Variants in SRSF4 observed in about 807,000 individuals in gnomAD.
The protein encoded by SRSF4 is serine and arginine rich splicing factor 4, also known as serine/arginine-rich splicing factor 4.
Under a neutral mutation model 48.8 loss-of-function variants are expected in SRSF4, and 12 were observed. That is an observed-to-expected ratio of 0.25 (90% CI 0.16 to 0.40). The LOEUF (loss-of-function observed/expected upper bound fraction) is 0.40, where lower values mean the gene tolerates loss of function less well. SRSF4 is among the 10% of genes least tolerant of loss of function. SRSF4 has a pLI of 1.00. For synonymous variants in SRSF4, 248 were observed against 232.5 expected (o/e 1.07, Z -0.61); for missense variants, 466 against 667.1 (o/e 0.70, Z 3.32).
intron 1 of SRSF4, among the ~76,000 whole-genome samples, chr1:29,161,552 AG>A (rs1672595212): frequency 6.6e-6 from 1 of 152,220 alleles, no homozygotes; most frequent in African/African-American, 2.4e-5. Flanking sequence ...GACTTGTCAG[AG>A]GGTCACTCAG....
chr1:29,159,272 A>C, intron 3 of SRSF4, 102 bp downstream of exon 3: 1 of 710,380 alleles, frequency 1.4e-6, no homozygotes, highest in Non-Finnish European at 2.4e-6. Flanking sequence ...TTTCAAACAT[A>C]TAACACTGTA....
At chr1:29,171,743 T>C (rs1041051574) in intron 1 of SRSF4, 3 of 152,094 alleles carry the variant, frequency 2.0e-5, no homozygotes, top group African/African-American at 7.2e-5. Context: ...AAAAAAATAC[T>C]AGAAACCCAA....
intron 1 of SRSF4, chr1:29,170,109 C>T (rs750803542): frequency 6.6e-6 from 1 of 152,158 alleles, no homozygotes; most frequent in Non-Finnish European, 1.5e-5. Flanking sequence ...AGGGCAGATA[C>T]AATCATCTGT....
In SRSF4 at chr1:29,148,609, C is replaced by T; in HGVS notation, c.1286G>A (p.Gly429Glu). Reference protein sequence around the residue: ...KSESSQREGRGESENAGTNQE... With the variant: ...KSESSQREGREESENAGTNQE... Reference sequence around the variant, plus strand: ...ATTGGTGCCAGCATTCTCACTCTCTCCTCGACCTTCCCTCTGGCTGGATTC... The same window carrying T: ...ATTGGTGCCAGCATTCTCACTCTCTTCTCGACCTTCCCTCTGGCTGGATTC... Residue 429 changes from glycine to glutamate, a missense_variant, in exon 6 of 6, where the codon GGA (glycine) becomes GAA (glutamate). Around this residue, in one of 2 missense-constraint regions of SRSF4, gnomAD observed 402 missense variants for 437.0 expected, o/e 0.92. Coordinates refer to ENST00000373795, the MANE Select transcript of SRSF4 (RefSeq NM_005626.5). 6.2e-7 allele frequency: 1 copy of T among 1,614,098 alleles called. No individual in the cohort carries two copies.
In SRSF4 at chr1:29,181,762, GGCAGTGATGGCTGGCCCCGGCCCCA is replaced by G. The variant is rs1558395899; in HGVS notation, c.-35_-11del. The G allele has an allele frequency of 6.4e-7, 1 of 1,568,736 alleles. No homozygotes were observed. The highest frequency in any genetic ancestry group is 1.8e-5 in the Admixed American group (1 of 55,214). ...TGTACACCCGCGGCATCCCGGCAAC[GGCAGTGATGGCTGGCCCCGGCCCCA>G]GCCCCCCTTAGGCGGCGGCGGGCAA... On this transcript the variant is annotated 5_prime_UTR_variant, in exon 1 of 6. Transcript: ENST00000373795.
At chr1:29,174,694 T>G (rs1004445977) in intron 1 of SRSF4, among the ~76,000 whole-genome samples, 1 of 149,844 alleles carries the variant, frequency 6.7e-6, no homozygotes, top group African/African-American at 2.4e-5. Context: ...TTTTTTTTTT[T>G]GATGGAGTCT....
At chr1:29,156,390 A>G (rs955863573) in intron 3 of SRSF4, among the ~76,000 whole-genome samples, 7 of 151,886 alleles carry the variant, frequency 4.6e-5, no homozygotes, top group African/African-American at 1.7e-4. Context: ...AACTACTAAT[A>G]TCCCCTAATT....
Position 29,148,195 on chromosome 1 carries a change from G to C in SRSF4, c.*215C>G. 1 of 727,742 alleles carries C rather than the reference G, an allele frequency of 1.4e-6. No homozygotes were observed. The highest frequency in any genetic ancestry group is 2.4e-6 in the Non-Finnish European group (1 of 414,710). 45.1% of individuals were successfully genotyped at this position (727,742 alleles called of 1,614,324 possible). A position where few individuals can be genotyped will look rare whatever the true frequency, so the allele number is the denominator to read the frequency against. On this transcript the variant is annotated 3_prime_UTR_variant, in exon 6 of 6. Transcript: ENST00000373795. ...CTACTGTGGGCCATGAGTAAAAGGG[G>C]ATTTTCAAAGAGAAAATTTTTTTCA... is the stretch of plus-strand genomic sequence containing the variant.
At chr1:29,177,278 TTTTTG>T (rs1054345606) in intron 1 of SRSF4, among the ~76,000 whole-genome samples, 3 of 136,712 alleles carry the variant, frequency 2.2e-5, no homozygotes, top group Admixed American at 7.1e-5. Flanking sequence ...ACAGTAACTC[TTTTTG>T]TTTTTTTTTT....
rs1558389467 is a variant in SRSF4 at position 29,160,376 on chromosome 1, G to A, written c.249C>T (p.Arg83=). The change falls in exon 2 of 6, where the codon CGC becomes CGT. Residue 83 remains arginine (R), a splice_region_variant and synonymous_variant. Coordinates refer to ENST00000373795, the MANE Select transcript of SRSF4 (RefSeq NM_005626.5). ...PRRDGSYGSG[R]SGYGYRRSGR... is the part of the protein sequence containing the mutation. ...AAAGTATGCCCTTTGAATGCTTACT[G>A]CGTCCAGAACCGTAACTGCCATCTC... is the stretch of plus-strand genomic sequence containing the variant. 6.2e-7 allele frequency: 1 copy of A among 1,609,916 alleles called. No individual in the cohort carries two copies. Among genetic ancestry groups the A allele is most frequent in the Non-Finnish European group, 8.5e-7 (1 of 1,178,670 alleles).
intron 4 of SRSF4, among the ~76,000 whole-genome samples, chr1:29,152,922 C>CAAA (rs35153002): frequency 7.1e-6 from 1 of 141,378 alleles, no homozygotes; most frequent in Non-Finnish European, 1.5e-5. Context: ...AACTCCGTCT[C>CAAA]AAAAAAAAAA....
chr1:29,153,141 C>CT (rs1269164566), intron 4 of SRSF4, among the ~76,000 whole-genome samples: 10 of 151,584 alleles, frequency 6.6e-5, no homozygotes, highest in Admixed American at 1.3e-4. Flanking sequence ...CCATATTTGT[C>CT]TTTTTTTTGA....
Position 29,148,233 on chromosome 1 carries a change from G to A in SRSF4, c.*177C>T. 3 of 918,018 alleles carry A rather than the reference G, an allele frequency of 3.3e-6. No homozygotes were observed. The highest frequency in any genetic ancestry group is 5.2e-6 in the Non-Finnish European group (3 of 580,348). 56.9% of individuals were successfully genotyped at this position (918,018 alleles called of 1,614,324 possible). Reference sequence around the variant, plus strand: ...AAAATTTTTTTCAGTCGAGCAGGAAGGCCTGGTGCCAGGAGGCTTTACTGA... The same window carrying A: ...AAAATTTTTTTCAGTCGAGCAGGAAAGCCTGGTGCCAGGAGGCTTTACTGA... On this transcript the variant is annotated 3_prime_UTR_variant, in exon 6 of 6. Transcript: ENST00000373795.
At chr1:29,168,884 G>A (rs780733709) in intron 1 of SRSF4, 1 of 152,202 alleles carries the variant, frequency 6.6e-6, no homozygotes, top group Admixed American at 6.5e-5. Context: ...AGCGTGAATG[G>A]TAGGAGGGAA....
At chr1:29,169,223 C>T (rs1343556739) in intron 1 of SRSF4, 2 of 152,210 alleles carry the variant, frequency 1.3e-5, no homozygotes, top group Non-Finnish European at 1.5e-5. Flanking sequence ...AGTTGAGTAA[C>T]TTGCCAAGAC....
chr1:29,154,916 GAAA>G lies in SRSF4; in HGVS notation c.364-9_364-7del, dbSNP rs66504457. On this transcript the variant is annotated splice_region_variant and splice_polypyrimidine_tract_variant and intron_variant, in intron 3 of 5. Transcript: ENST00000373795. The stretch of plus-strand genomic sequence containing the variant: ...CCTGCCTGACGCATATAATCCTGAA[GAAA>G]AAAAAAAGTGTGACTACATTAGGAT... The G allele has an allele frequency of 2.7e-6, 4 of 1,478,492 alleles. No homozygotes were observed. The highest frequency in any genetic ancestry group is 3.6e-6 in the Non-Finnish European group (4 of 1,098,434). The allele number at this position is 1,478,492 out of a possible 1,614,324, so 91.6% of individuals were successfully genotyped here. A position where few individuals can be genotyped will look rare whatever the true frequency, so the allele number is the denominator to read the frequency against.
chr1:29,148,518 G>A lies in SRSF4; in HGVS notation c.1377C>T (p.Arg459=). The A allele has an allele frequency of 1.2e-6, 2 of 1,614,112 alleles. No individual in the cohort carries two copies. Among genetic ancestry groups the A allele is most frequent in the South Asian group, 1.1e-5 (1 of 91,082 alleles). ...KSKPNLPSES[R]SRSKSASKTR... is the part of the protein sequence containing the mutation. The stretch of plus-strand genomic sequence containing the variant: ...TTTTTGAAGCTGACTTTGATCTGGA[G>A]CGTGATTCTGATGGAAGGTTTGGTT... The change falls in exon 6 of 6, where the codon CGC becomes CGT. Residue 459 remains arginine (R), a synonymous_variant. Transcript: ENST00000373795.
At chr1:29,165,425 T>C (rs183137762) in intron 1 of SRSF4, among the ~76,000 whole-genome samples, 5 of 152,342 alleles carry the variant, frequency 3.3e-5, no homozygotes. Context: ...ACTTTTGAAA[T>C]GTTAACCACA....
chr1:29,151,925 T>C (rs931344909), intron 4 of SRSF4, among the ~76,000 whole-genome samples: 2 of 152,198 alleles, frequency 1.3e-5, no homozygotes, highest in African/African-American at 4.8e-5. Context: ...GGTATACAGG[T>C]GTTCATTAAC....
Sources: gnomAD v4.1 joint callset for allele counts (sites outside exome capture counted in the v4.1 genomes callset) on GRCh38, gnomAD v4.1.1 for gene constraint, gnomAD v4.1.1 regional missense constraint, MANE v1.5 for transcripts, NCBI Gene and HGNC (gene_info 2026-07-23, HGNC 2026-07-21) for gene names.